CCDC170: variants seen among roughly 807,000 people sequenced by gnomAD.
CCDC170 encodes coiled-coil domain-containing protein 170.
In CCDC170, 69 loss-of-function variants were observed where a neutral mutation model predicts 72.6. That is an observed-to-expected ratio of 0.95 (90% CI 0.78 to 1.16). The LOEUF is 1.16. CCDC170 is among the 50% of genes most tolerant of loss of function. The pLI, the probability that CCDC170 is intolerant of heterozygous loss-of-function variation, is 0.00. For missense variants in CCDC170, 852 were observed against 832.5 expected (o/e 1.02, Z -0.29); for synonymous variants, 300 against 303.9 (o/e 0.99, Z 0.13).
At chr6:151,511,409 A>G (rs944126006) in intron 1 of CCDC170, among the ~76,000 whole-genome samples, 1 of 152,114 alleles carries the variant, frequency 6.6e-6, no homozygotes, top group Non-Finnish European at 1.5e-5. Flanking sequence ...CTGTTTGTCT[A>G]TTTATCTTCC....
At chr6:151,611,825 C>T (rs572967822) in intron 9 of CCDC170, among the ~76,000 whole-genome samples, 1 of 152,202 alleles carries the variant, frequency 6.6e-6, no homozygotes, top group East Asian at 1.9e-4. Flanking sequence ...ATTCTCCTGC[C>T]TCAGCCTCCT....
At chr6:151,550,963 A>C (rs976095625) in intron 5 of CCDC170, among the ~76,000 whole-genome samples, 1 of 152,216 alleles carries the variant, frequency 6.6e-6, no homozygotes, top group African/African-American at 2.4e-5. Flanking sequence ...GATACAAATC[A>C]GTCCATAGTA....
intron 5 of CCDC170, among the ~76,000 whole-genome samples, chr6:151,568,668 T>G (rs888652233): frequency 1.2e-4 from 19 of 152,222 alleles, no homozygotes; most frequent in Admixed American, 3.9e-4. Context: ...TACTATACTA[T>G]GTACCATTGT....
rs1416222364 is a variant in CCDC170 at position 151,494,188 on chromosome 6, A to G, written c.57+3A>G. 6.6e-7 allele frequency: 1 copy of G among 1,510,752 alleles called. No homozygotes were observed. The highest frequency in any genetic ancestry group is 2.1e-5 in the Admixed American group (1 of 47,182). 93.6% of individuals were successfully genotyped at this position (1,510,752 alleles called of 1,614,324 possible). A position where few individuals can be genotyped will look rare whatever the true frequency, so the allele number is the denominator to read the frequency against. ...GTGCCGCTTCGCCAGCGCCCGAGGT[A>G]CGGTCCCAGCCGCCGGCCGCGCGCG... On this transcript the variant is annotated splice_donor_region_variant and intron_variant, in intron 1 of 10. Transcript: ENST00000239374.
chr6:151,586,051 G>A lies in CCDC170; in HGVS notation c.1255G>A (p.Gly419Ser), dbSNP rs1475914790. 1.9e-6 allele frequency: 3 copies of A among 1,613,980 alleles called. No homozygotes were observed. Among genetic ancestry groups the A allele is most frequent in the Non-Finnish European group, 2.5e-6 (3 of 1,179,964 alleles). The change falls in exon 7 of 11, where the codon GGT becomes AGT. Residue 419 changes from glycine to serine, a missense_variant. Physicochemically the swap from Gly to Ser is moderately conservative, Grantham distance 56. Coordinates refer to ENST00000239374, the MANE Select transcript of CCDC170 (RefSeq NM_025059.4). The part of the protein sequence containing the change: ...THLEAELVSG[G>S]VLRDNLNFEK... Reference sequence around the variant, plus strand: ...CCTGGAGGCAGAGCTGGTTTCTGGAGGTGTTTTGCGAGACAACTTGAATTT... The same window carrying A: ...CCTGGAGGCAGAGCTGGTTTCTGGAAGTGTTTTGCGAGACAACTTGAATTT...
intron 2 of CCDC170, among the ~76,000 whole-genome samples, chr6:151,536,899 A>G (rs1782597851): frequency 1.3e-5 from 2 of 152,000 alleles, no homozygotes; most frequent in East Asian, 3.9e-4. Flanking sequence ...TCTTGTGCCT[A>G]TCCCCTAGAA....
intron 1 of CCDC170, among the ~76,000 whole-genome samples, chr6:151,518,493 G>A (rs1327695988): frequency 6.6e-6 from 1 of 152,184 alleles, no homozygotes; most frequent in South Asian, 2.1e-4. Flanking sequence ...GAATTTGGGT[G>A]AGTTCACAGA....
chr6:151,608,778 C>T (rs1195190858), intron 9 of CCDC170, among the ~76,000 whole-genome samples: 3 of 152,174 alleles, frequency 2.0e-5, no homozygotes, highest in Admixed American at 1.3e-4. Flanking sequence ...GAGTAGGTGG[C>T]TGTCAGGCTC....
intron 1 of CCDC170, among the ~76,000 whole-genome samples, chr6:151,522,129 C>A (rs1225822189): frequency 6.6e-6 from 1 of 151,906 alleles, no homozygotes; most frequent in East Asian, 1.9e-4. Context: ...CATTGCACTC[C>A]AGCCTGGGTG....
At chr6:151,616,310 T>A (rs370757557) in intron 10 of CCDC170, among the ~76,000 whole-genome samples, 1 of 152,096 alleles carries the variant, frequency 6.6e-6, no homozygotes, top group Non-Finnish European at 1.5e-5. Flanking sequence ...ATTTGCTTGC[T>A]GGCTACAAGA....
rs577316511 is a variant in CCDC170, at chr6:151,604,437, G to A, written c.1710+7860G>A. ...GAGTGGAGGGGTGTGTCCTTATTAG[G>A]AGCTGAGAAAGGTGTGTTGGTTAAT... On this transcript the variant is annotated intron_variant, in intron 9 of 10. Transcript: ENST00000239374. 1.7e-4 allele frequency among the ~76,000 whole-genome samples: 26 copies of A among 152,266 alleles called. No individual in the cohort carries two copies. In the South Asian group the frequency reaches 5.0e-3, roughly 29 times the overall value.
chr6:151,604,120 G>A (rs568167707), intron 9 of CCDC170, among the ~76,000 whole-genome samples: 1 of 152,216 alleles, frequency 6.6e-6, no homozygotes, highest in East Asian at 1.9e-4. Flanking sequence ...AACACCAAAA[G>A]GGATTAACAT....
intron 1 of CCDC170, among the ~76,000 whole-genome samples, chr6:151,530,877 T>A (rs1159059827): frequency 2.0e-5 from 3 of 152,192 alleles, no homozygotes; most frequent in Non-Finnish European, 2.9e-5. Flanking sequence ...TGATAATTGT[T>A]AGTTCTTCTA....
At chr6:151,533,052 CTTTTTTTTTT>C (rs58383930) in intron 1 of CCDC170, among the ~76,000 whole-genome samples, 1 of 118,042 alleles carries the variant, frequency 8.5e-6, no homozygotes, top group Non-Finnish European at 1.8e-5. Context: ...GACTATTTCT[CTTTTTTTTTT>C]TTTTTTTTTG....
At position 151,593,222 on chromosome 6, in the gene CCDC170, G is replaced by A. The variant is rs34563373; in HGVS notation, c.1409G>A (p.Arg470His). Residue 470 changes from arginine (R) to histidine (H), a missense_variant, in exon 8 of 11, where the codon CGT becomes CAT. Transcript: ENST00000239374. ...VVLARTEQLV[R>H]LESNAVIENK... The stretch of plus-strand genomic sequence containing the variant: ...TTAGCTCGAACAGAGCAGCTGGTTC[G>A]TCTTGAGAGCAATGCAGTCATTGAG... The A allele has an allele frequency of 7.5e-4, 1,207 of 1,614,176 alleles. 6 individuals carry two copies. In the African/African-American group the frequency reaches 0.012, roughly 16 times the overall value.
In CCDC170 at chr6:151,572,667, TTTG is replaced by T. The variant is rs1432833098; in HGVS notation, c.775-506_775-504del. Among the ~76,000 whole-genome samples, 4 of 146,058 alleles carry T rather than the reference TTTG, an allele frequency of 2.7e-5. No individual in the cohort carries two copies. The East Asian group carries it at 6.4e-4, about 23-fold the overall frequency. ...TCTCTGTGTTTTTTTTTTTTTTTTT[TTTG>T]ATGGAGTCTTGTTCTGTTGCCCAGG... On this transcript the variant is annotated intron_variant, in intron 5 of 10. Transcript: ENST00000239374.
rs1272584048 is a variant in CCDC170, at chr6:151,549,494, A to T, written c.774+1005A>T. Among the ~76,000 whole-genome samples, 3 of 152,234 alleles carry T rather than the reference A, an allele frequency of 2.0e-5. No individual in the cohort carries two copies. In the East Asian group the frequency reaches 5.8e-4, roughly 29 times the overall value. On this transcript the variant is annotated intron_variant, in intron 5 of 10. Transcript: ENST00000239374. ...ATATATTTACAAGAAACAAAATTCT[A>T]AATGTACAGGAGTATATGGTGAAAC... is the stretch of plus-strand genomic sequence containing the variant.
rs138310383 is a variant in CCDC170 at position 151,510,797 on chromosome 6, A to G, written c.57+16612A>G. On this transcript the variant is annotated intron_variant, in intron 1 of 10. Coordinates refer to ENST00000239374, the MANE Select transcript of CCDC170 (RefSeq NM_025059.4). ...GTCACCCAGGCTGGAGTGCAGTGGCACAATCTCAGCTCACTGCAACCTCCA... is the reference window on the plus strand; with the variant it reads ...GTCACCCAGGCTGGAGTGCAGTGGCGCAATCTCAGCTCACTGCAACCTCCA... Among the ~76,000 whole-genome samples, 140 of 151,730 alleles carry G rather than the reference A, an allele frequency of 9.2e-4. 1 individual carries two copies. The East Asian group carries it at 0.025, about 27-fold the overall frequency.
At chr6:151,558,832 C>T (rs923898996) in intron 5 of CCDC170, among the ~76,000 whole-genome samples, 1 of 151,926 alleles carries the variant, frequency 6.6e-6, no homozygotes, top group African/African-American at 2.4e-5. Flanking sequence ...TAGTATGATG[C>T]CTTCAGCTTT....
Sources: gnomAD v4.1 joint callset for allele counts (sites outside exome capture counted in the v4.1 genomes callset) on GRCh38, gnomAD v4.1.1 for gene constraint, MANE v1.5 for transcripts, NCBI Gene and HGNC (gene_info 2026-07-23, HGNC 2026-07-21) for gene names.